Variants in CXorf58 observed in about 807,000 individuals in gnomAD.
CXorf58 encodes the protein chromosome X open reading frame 58.
CXorf58 carries 24 observed loss-of-function variants against 26.0 expected under a neutral mutation model. The observed-to-expected ratio is 0.92, with a 90% CI of 0.67 to 1.30. The LOEUF is 1.30. Among genes scored for constraint, CXorf58 ranks in the 50% most tolerant of loss-of-function variants. The pLI is 0.00. For synonymous variants in CXorf58, 87 were observed against 86.1 expected (o/e 1.01, Z -0.06); for missense variants, 236 against 263.9 (o/e 0.89, Z 0.73).
intron 5 of CXorf58, among the ~76,000 whole-genome samples, chrX:23,922,381 CA>C (rs901847733): frequency 9.0e-6 from 1 of 110,821 alleles, no homozygotes; most frequent in Non-Finnish European, 1.9e-5. Context: ...CTCAAAAAAA[CA>C]AAAACAAAAA....
chrX:23,923,369 A>G (rs1341497658), intron 5 of CXorf58, among the ~76,000 whole-genome samples: 3 of 110,171 alleles, frequency 2.7e-5, no homozygotes, highest in African/African-American at 9.9e-5. Context: ...CAGTGTAGGG[A>G]GGACCTGTCA....
Position 23,915,737 on chromosome X carries a change from C to T in CXorf58, c.254C>T (p.Ala85Val), listed in dbSNP as rs909431548. ...YVTHEILKKV[A>V]PLEAKLIKDP... ...ACACATGAAATACTGAAGAAAGTGG[C>T]CCCCTTAGAGGCTAAGCTTATTAAG... The change falls in exon 4 of 9, where the codon GCC (alanine) becomes GTC (valine). Residue 85 changes from alanine (A) to valine (V), a missense_variant. Transcript: ENST00000379211. 84 of 1,193,140 alleles carry T rather than the reference C, an allele frequency of 7.0e-5. No individual in the cohort carries two copies. Among genetic ancestry groups the T allele is most frequent in the Non-Finnish European group, 9.3e-5 (82 of 880,590 alleles).
At chrX:23,937,026 T>TCTCTTC (rs1274142664) in intron 7 of CXorf58, among the ~76,000 whole-genome samples, 26 of 112,475 alleles carry the variant, frequency 2.3e-4, no homozygotes, top group African/African-American at 7.7e-4. Context: ...GCCAAATTAT[T>TCTCTTC]AATCAATTGA....
rs764164047 is a variant in CXorf58, at chrX:23,935,374, C to T, written c.734C>T (p.Pro245Leu). The T allele has an allele frequency of 8.3e-7, 1 of 1,210,123 alleles. No homozygotes were observed. Among genetic ancestry groups the T allele is most frequent in the Non-Finnish European group, 1.1e-6 (1 of 894,219 alleles). ...RNEMKFLLQR[P>L]VTQEIHKHQL... ...GAAATGAAGTTTCTGTTACAGAGAC[C>T]AGTAACGCAAGAGATCCATAAGCAC... is the stretch of plus-strand genomic sequence containing the variant. The change falls in exon 7 of 9, where the codon CCA becomes CTA. Residue 245 changes from proline to leucine, a missense_variant. Coordinates refer to ENST00000379211, the MANE Select transcript of CXorf58 (RefSeq NM_152761.3).
rs1026525942 is a variant in CXorf58 at position 23,926,236 on chromosome X, T to C, written c.424-1003T>C. Among the ~76,000 whole-genome samples, 8 of 111,219 alleles carry C rather than the reference T, an allele frequency of 7.2e-5. No homozygotes were observed. In the East Asian group the frequency reaches 2.0e-3, roughly 27 times the overall value. On this transcript the variant is annotated intron_variant, in intron 5 of 8. Transcript: ENST00000379211. ...TACTTAAGTCTCTACTCACAGTCTA[T>C]GTATAGCTCTTAGCACAGGATACTT...
In CXorf58 at chrX:23,933,804, C is replaced by CA. The variant is rs752937822; in HGVS notation, c.556-1391dup. The stretch of plus-strand genomic sequence containing the variant: ...CTGAGGCAGGAGAATCGCTTGAACC[C>CA]AGGAGGCGGAGGTTGCAGTGAGCCG... On this transcript the variant is annotated intron_variant, in intron 6 of 8. Coordinates refer to ENST00000379211, the MANE Select transcript of CXorf58 (RefSeq NM_152761.3). Among the ~76,000 whole-genome samples, 34 of 109,804 alleles carry CA rather than the reference C, an allele frequency of 3.1e-4. No individual in the cohort carries two copies. In the East Asian group the frequency reaches 5.7e-3, roughly 19 times the overall value.
chrX:23,908,635 GTTC>G (rs1927480928), intron 1 of CXorf58, among the ~76,000 whole-genome samples: 1 of 112,130 alleles, frequency 8.9e-6, no homozygotes, highest in Non-Finnish European at 1.9e-5. Flanking sequence ...TGAAACCTGT[GTTC>G]TAGCCAAAAC....
intron 5 of CXorf58, among the ~76,000 whole-genome samples, chrX:23,917,068 C>T (rs1927745885): frequency 9.1e-6 from 1 of 110,001 alleles, no homozygotes; most frequent in Non-Finnish European, 1.9e-5. Context: ...GGCACGGTGG[C>T]TCATGCCTGT....
chrX:23,914,306 G>A (rs1207276501), intron 3 of CXorf58, among the ~76,000 whole-genome samples: 2 of 110,699 alleles, frequency 1.8e-5, no homozygotes, highest in Admixed American at 9.6e-5. Context: ...GGTTGGTCTC[G>A]AACTCTTGAC....
chrX:23,923,051 C>G (rs1178044431), intron 5 of CXorf58, among the ~76,000 whole-genome samples: 1 of 112,331 alleles, frequency 8.9e-6, no homozygotes, highest in Admixed American at 9.5e-5. Context: ...GAATCTTTGC[C>G]TAGTTTTTGC....
At chrX:23,929,337 C>A (rs1261249097) in intron 6 of CXorf58, among the ~76,000 whole-genome samples, 1 of 99,401 alleles carries the variant, frequency 1.0e-5, no homozygotes, top group Non-Finnish European at 2.0e-5. Flanking sequence ...ACCCAGGAGG[C>A]GGAGCTTGCA....
At chrX:23,928,925 G>A (rs959690525) in intron 6 of CXorf58, among the ~76,000 whole-genome samples, 1 of 111,555 alleles carries the variant, frequency 9.0e-6, no homozygotes, top group African/African-American at 3.3e-5. Flanking sequence ...TAGAAATGAC[G>A]AAGCTTAGTG....
At chrX:23,934,951 G>A (rs1260638726) in intron 6 of CXorf58, among the ~76,000 whole-genome samples, 8 of 109,558 alleles carry the variant, frequency 7.3e-5, no homozygotes, top group Admixed American at 6.9e-4. Context: ...CGCAACCTCC[G>A]CCTCCCGAGT....
intron 5 of CXorf58, among the ~76,000 whole-genome samples, chrX:23,922,878 C>A (rs148318781): frequency 8.9e-6 from 1 of 112,111 alleles, no homozygotes; most frequent in Non-Finnish European, 1.9e-5. Context: ...AAGTGTGGAT[C>A]TAGGCCAGCA....
At chrX:23,928,202 CAG>C (rs753499188) in intron 6 of CXorf58, among the ~76,000 whole-genome samples, 17 of 107,605 alleles carry the variant, frequency 1.6e-4, no homozygotes, top group African/African-American at 5.8e-4. Flanking sequence ...TTTTTTGAGA[CAG>C]AGTTTCGTTC....
At chrX:23,909,790 A>C (rs1330263918) in intron 1 of CXorf58, among the ~76,000 whole-genome samples, 1 of 112,212 alleles carries the variant, frequency 8.9e-6, no homozygotes, top group African/African-American at 3.2e-5. Flanking sequence ...TTTACCAAGG[A>C]GGGAACTGAA....
At chrX:23,929,207 CCATCCTGGCTAA>C (rs1045909399) in intron 6 of CXorf58, among the ~76,000 whole-genome samples, 6 of 109,652 alleles carry the variant, frequency 5.5e-5, no homozygotes, top group African/African-American at 2.0e-4. Flanking sequence ...GAGATCGAGA[CCATCCTGGCTAA>C]CATGGTGAAA....
At chrX:23,920,143 C>T (rs1927827823) in intron 5 of CXorf58, among the ~76,000 whole-genome samples, 1 of 112,174 alleles carries the variant, frequency 8.9e-6, no homozygotes, top group Non-Finnish European at 1.9e-5. Context: ...CTCCCAAGGC[C>T]CACAGTGACC....
intron 5 of CXorf58, 111 bp downstream of exon 5, chrX:23,916,439 AC>A: frequency 2.3e-6 from 1 of 442,704 alleles, no homozygotes; most frequent in Non-Finnish European, 3.8e-6. Context: ...GAAACAGCCC[AC>A]CAGGTAGGTA....
Sources: allele counts gnomAD v4.1 joint callset (sites outside exome capture counted in the v4.1 genomes callset), GRCh38; gene constraint gnomAD v4.1.1; transcripts MANE v1.5; gene names NCBI Gene and HGNC (gene_info 2026-07-23, HGNC 2026-07-21).